Variants in CPNE4 observed in about 807,000 individuals in gnomAD.
The protein encoded by CPNE4 is copine-4.
CPNE4 carries 25 observed loss-of-function variants against 67.9 expected under a neutral mutation model. The ratio of observed to expected loss-of-function variants is 0.37; its 90% CI spans 0.27 to 0.51. The LOEUF is 0.51. CPNE4 is among the 20% of genes least tolerant of loss of function. The pLI is 0.93. For missense variants in CPNE4, 464 were observed against 690.8 expected, an observed-to-expected ratio of 0.67 and a Z score of 3.68; for synonymous variants, 242 against 244.9, an observed-to-expected ratio of 0.99 and a Z score of 0.11.
intron 7 of CPNE4, among the ~76,000 whole-genome samples, chr3:131,598,111 A>T (rs1376047685): frequency 6.6e-6 from 1 of 152,196 alleles, no homozygotes; most frequent in African/African-American, 2.4e-5. Context: ...GATCGAAGAG[A>T]TGGGATTCTA....
In CPNE4 at chr3:131,975,534, C is replaced by T. The variant is rs545568522; in HGVS notation, c.-2+59033G>A. ...TGAGTGCAGCTGGCTCTAACTTCTT[C>T]AGCATAGTTCACCTCATATCCAGGG... On this transcript the variant is annotated intron_variant, in intron 1 of 15. Coordinates refer to ENST00000429747, the MANE Select transcript of CPNE4 (RefSeq NM_130808.3). 7.2e-5 allele frequency among the ~76,000 whole-genome samples: 11 copies of T among 152,294 alleles called. No individual in the cohort carries two copies. In the South Asian group the frequency reaches 2.3e-3, roughly 32 times the overall value.
Position 131,831,206 on chromosome 3 carries a change from T to A in CPNE4, c.180+74058A>T, listed in dbSNP as rs182734596. On this transcript the variant is annotated intron_variant, in intron 2 of 15. Transcript: ENST00000429747. ...GTTCTGGGATCAATATTTTAAAAAT[T>A]CAGTTGTCTATGGCACAGAATGAAT... is the stretch of plus-strand genomic sequence containing the variant. Among the ~76,000 whole-genome samples, 212 of 152,190 alleles carry A rather than the reference T, an allele frequency of 1.4e-3. 2 individuals carry two copies. Among genetic ancestry groups the A allele is most frequent in the East Asian group, 4.1e-3 (21 of 5,176 alleles).
At chr3:131,579,813 G>A (rs1307006407) in intron 9 of CPNE4, among the ~76,000 whole-genome samples, 4 of 152,166 alleles carry the variant, frequency 2.6e-5, no homozygotes, top group Non-Finnish European at 2.9e-5. Flanking sequence ...TAATTCTCAT[G>A]GATAAACAAA....
intron 7 of CPNE4, among the ~76,000 whole-genome samples, chr3:131,637,239 A>T (rs1163052092): frequency 6.6e-6 from 1 of 152,260 alleles, no homozygotes; most frequent in Admixed American, 6.5e-5. Flanking sequence ...TTATCAAGCT[A>T]ATCAAGGAGG....
chr3:131,683,116 T>C (rs1306113882), intron 6 of CPNE4, among the ~76,000 whole-genome samples: 8 of 152,146 alleles, frequency 5.3e-5, no homozygotes, highest in African/African-American at 1.2e-4. Context: ...AAGAGCCCAA[T>C]TGCTGCTCTA....
At chr3:131,889,359 G>C (rs1232352417) in intron 2 of CPNE4, among the ~76,000 whole-genome samples, 1 of 152,084 alleles carries the variant, frequency 6.6e-6, no homozygotes, top group Non-Finnish European at 1.5e-5. Flanking sequence ...AATATAAAAG[G>C]CTCAGAGATG....
chr3:131,743,962 C>CAAA (rs67791015), intron 2 of CPNE4, among the ~76,000 whole-genome samples: 17,786 of 59,038 alleles, frequency 0.3, 5,197 homozygotes, highest in Non-Finnish European at 0.36. Flanking sequence ...GACTCCGTCT[C>CAAA]AAAAAAAAAA....
chr3:131,776,699 T>C (rs1269841881), intron 2 of CPNE4, among the ~76,000 whole-genome samples: 1 of 152,094 alleles, frequency 6.6e-6, no homozygotes, highest in African/African-American at 2.4e-5. Context: ...ACCAGTATTT[T>C]CCCCCAAACC....
At position 131,676,441 on chromosome 3, in the gene CPNE4, G is replaced by A. The variant is rs115707273; in HGVS notation, c.592-6677C>T. On this transcript the variant is annotated intron_variant, in intron 6 of 15. Coordinates refer to ENST00000429747, the MANE Select transcript of CPNE4 (RefSeq NM_130808.3). ...GCAGGTTTGTTACATAAGTAAATGC[G>A]TTGAATGGGGGTTGGTTGTATAGAT... 3.0e-3 allele frequency among the ~76,000 whole-genome samples: 451 copies of A among 152,222 alleles called. 5 individuals carry two copies. The highest frequency in any genetic ancestry group is 0.01 in the African/African-American group (417 of 41,528).
intron 2 of CPNE4, among the ~76,000 whole-genome samples, chr3:131,848,666 C>A (rs1319941318): frequency 2.2e-4 from 31 of 139,984 alleles, no homozygotes; most frequent in South Asian, 2.3e-4. Flanking sequence ...AATGTGCATC[C>A]AAAAAAAAAA....
intron 2 of CPNE4, among the ~76,000 whole-genome samples, chr3:131,862,840 T>C (rs1288467020): frequency 6.6e-6 from 1 of 152,116 alleles, no homozygotes; most frequent in African/African-American, 2.4e-5. Context: ...GTATATCTCC[T>C]AATGCTATCC....
intron 1 of CPNE4, among the ~76,000 whole-genome samples, chr3:131,962,888 A>G (rs2072225752): frequency 6.6e-6 from 1 of 152,176 alleles, no homozygotes; most frequent in African/African-American, 2.4e-5. Flanking sequence ...ACAAGTTCCA[A>G]CATTTTGTTA....
At chr3:131,765,790 C>T (rs944233741) in intron 2 of CPNE4, among the ~76,000 whole-genome samples, 3 of 151,944 alleles carry the variant, frequency 2.0e-5, no homozygotes, top group Non-Finnish European at 2.9e-5. Context: ...TGTGAAGGAT[C>T]GCTACATCAC....
At chr3:131,689,287 T>C (rs1006623228) in intron 5 of CPNE4, among the ~76,000 whole-genome samples, 1 of 152,094 alleles carries the variant, frequency 6.6e-6, no homozygotes, top group Non-Finnish European at 1.5e-5. Context: ...GTTGAGTCCA[T>C]TGCCTGGTAC....
At chr3:131,600,408 G>A (rs1372009322) in intron 7 of CPNE4, among the ~76,000 whole-genome samples, 1 of 152,168 alleles carries the variant, frequency 6.6e-6, no homozygotes, top group Non-Finnish European at 1.5e-5. Flanking sequence ...TTTGAAACTT[G>A]CAAGGAAATG....
At chr3:131,683,404 G>T (rs2080805960) in intron 6 of CPNE4, among the ~76,000 whole-genome samples, 2 of 152,156 alleles carry the variant, frequency 1.3e-5, no homozygotes, top group Admixed American at 6.5e-5. Context: ...CCCAGGGTTT[G>T]TCTAGAAATG....
Position 131,552,431 on chromosome 3 carries a change from G to GGA in CPNE4, c.1168+8_1168+9insTC. On this transcript the variant is annotated intron_variant, in intron 13 of 15. Coordinates refer to ENST00000429747, the MANE Select transcript of CPNE4 (RefSeq NM_130808.3). ...TGTGACACTGGCTTTCTTTCACGTTGTGCTTTACCTGCACATTCTGGGTTG... is the reference window on the plus strand; with the variant it reads ...TGTGACACTGGCTTTCTTTCACGTTGGATGCTTTACCTGCACATTCTGGGTTG... 1 of 1,611,450 alleles carries GGA rather than the reference G, an allele frequency of 6.2e-7. No homozygotes were observed. The highest frequency in any genetic ancestry group is 8.5e-7 in the Non-Finnish European group (1 of 1,178,072).
At chr3:132,006,701 G>T (rs562823784) in intron 1 of CPNE4, among the ~76,000 whole-genome samples, 2 of 150,290 alleles carry the variant, frequency 1.3e-5, no homozygotes, top group East Asian at 2.0e-4. Context: ...GTGTTAAAAA[G>T]TTGATTGAGA....
chr3:131,663,453 A>G (rs1560073931), intron 7 of CPNE4, among the ~76,000 whole-genome samples: 1 of 152,110 alleles, frequency 6.6e-6, no homozygotes, highest in Non-Finnish European at 1.5e-5. Flanking sequence ...CATTTTGCAC[A>G]TGTATCCTAG....
Sources: allele counts gnomAD v4.1 joint callset (sites outside exome capture counted in the v4.1 genomes callset), GRCh38; gene constraint gnomAD v4.1.1; transcripts MANE v1.5; gene names NCBI Gene and HGNC (gene_info 2026-07-23, HGNC 2026-07-21).